The following CMIP variants were observed in gnomAD, a reference collection of about 807,000 sequenced individuals.
CMIP encodes the protein C-Maf-inducing protein.
In CMIP, 13 loss-of-function variants were observed where a neutral mutation model predicts 97.3. The observed-to-expected ratio is 0.13, with a 90% CI of 0.09 to 0.21. The LOEUF is 0.21. CMIP is among the 10% of genes least tolerant of loss of function. The pLI is 1.00. For missense variants in CMIP, 847 were observed against 1,024.9 expected (o/e 0.83, Z 2.37); for synonymous variants, 538 against 436.3 (o/e 1.23, Z -2.91).
At chr16:81,496,812 A>G (rs1210151549) in intron 1 of CMIP, among the ~76,000 whole-genome samples, 1 of 152,266 alleles carries the variant, frequency 6.6e-6, no homozygotes, top group African/African-American at 2.4e-5. Context: ...AAATGAGCAG[A>G]GTCTTACATT....
chr16:81,709,933 GC>G lies in CMIP; in HGVS notation c.*135del. On this transcript the variant is annotated 3_prime_UTR_variant, in exon 21 of 21. Transcript: ENST00000537098. Reference sequence around the variant, plus strand: ...AGATAGATGGGGAGTCTTTCTGGGGGCGGAGGGGGGAGGGGGTGGGGAGGGG... The same window carrying G: ...AGATAGATGGGGAGTCTTTCTGGGGGGGAGGGGGGAGGGGGTGGGGAGGGG... 1.5e-6 allele frequency: 1 copy of G among 649,950 alleles called. No homozygotes were observed. Among genetic ancestry groups the G allele is most frequent in the Non-Finnish European group, 2.7e-6 (1 of 369,712 alleles). 40.3% of individuals were successfully genotyped at this position (649,950 alleles called of 1,614,324 possible).
chr16:81,640,288 C>T (rs763009064), intron 3 of CMIP, among the ~76,000 whole-genome samples: 52 of 26,130 alleles, frequency 2.0e-3, no homozygotes, highest in Non-Finnish European at 5.5e-3. Flanking sequence ...GACATCAGGC[C>T]CCCCCCCCCC....
intron 3 of CMIP, among the ~76,000 whole-genome samples, chr16:81,625,028 G>A (rs998760331): frequency 3.3e-5 from 5 of 152,342 alleles, no homozygotes; most frequent in Non-Finnish European, 1.5e-5. Context: ...ATTTGCAGAT[G>A]GGGAAACCTG....
At chr16:81,507,268 G>A (rs1597486553) in intron 1 of CMIP, among the ~76,000 whole-genome samples, 2 of 152,194 alleles carry the variant, frequency 1.3e-5, no homozygotes, top group Admixed American at 1.3e-4. Flanking sequence ...AAGAAAGGAA[G>A]ATCATCTGCC....
intron 1 of CMIP, among the ~76,000 whole-genome samples, chr16:81,536,006 C>T (rs2090335900): frequency 6.6e-6 from 1 of 152,172 alleles, no homozygotes; most frequent in African/African-American, 2.4e-5. Flanking sequence ...CAAGGGACCT[C>T]TTGTCTGCTG....
intron 1 of CMIP, among the ~76,000 whole-genome samples, chr16:81,456,971 G>A (rs1001129699): frequency 6.6e-6 from 1 of 152,136 alleles, no homozygotes; most frequent in African/African-American, 2.4e-5. Context: ...AACCTGGGGT[G>A]GTCACCTCAG....
At chr16:81,540,027 C>T (rs2168798) in intron 1 of CMIP, among the ~76,000 whole-genome samples, 59,587 of 152,072 alleles carry the variant, frequency 0.39, 12,963 homozygotes, top group Non-Finnish European at 0.49. Context: ...TGGCAGTGAA[C>T]GAAGCCGAAA....
At chr16:81,623,157 T>G (rs1303970149) in intron 3 of CMIP, among the ~76,000 whole-genome samples, 1 of 152,062 alleles carries the variant, frequency 6.6e-6, no homozygotes, top group African/African-American at 2.4e-5. Flanking sequence ...TGAGCCAAGA[T>G]TGGTCCACTG....
At chr16:81,701,403 G>T (rs78508654) in intron 15 of CMIP, among the ~76,000 whole-genome samples, 1 of 152,174 alleles carries the variant, frequency 6.6e-6, no homozygotes, top group Non-Finnish European at 1.5e-5. Context: ...TCCAGACACC[G>T]CACGGTAAGC....
chr16:81,461,464 C>G (rs750243758), intron 1 of CMIP, among the ~76,000 whole-genome samples: 9 of 152,144 alleles, frequency 5.9e-5, no homozygotes, highest in African/African-American at 1.2e-4. Flanking sequence ...TCAACCCTAG[C>G]GTAATTAGTC....
chr16:81,639,856 G>A lies in CMIP; in HGVS notation c.478-12347G>A, dbSNP rs117814924. ...TAAGCCCCTTGGGTGGTTTTAATGT[G>A]TAGCCAGGGTCAAGAACCCTGCCTG... On this transcript the variant is annotated intron_variant, in intron 3 of 20. Coordinates refer to ENST00000537098, the MANE Select transcript of CMIP (RefSeq NM_198390.3). Among the ~76,000 whole-genome samples the A allele has an allele frequency of 8.1e-3, 1,235 of 152,296 alleles. 12 individuals carry two copies. Among genetic ancestry groups the A allele is most frequent in the Middle Eastern group, 0.021 (6 of 292 alleles).
At position 81,445,496 on chromosome 16, in the gene CMIP, G is replaced by A; in HGVS notation, c.255G>A (p.Glu85=). 6.4e-7 allele frequency: 1 copy of A among 1,555,100 alleles called. No homozygotes were observed. Among genetic ancestry groups the A allele is most frequent in the East Asian group, 2.4e-5 (1 of 41,154 alleles). ...ILTSKFLRRW[E]PHHLTLADNS... The stretch of plus-strand genomic sequence containing the variant: ...CCTCGAAATTCCTGAGGCGCTGGGA[G>A]CCGCACCACCTAACGCTGGCCGACA... The change falls in exon 1 of 21, where the codon GAG becomes GAA. Residue 85 remains glutamate, a synonymous_variant. Transcript: ENST00000537098.
chr16:81,557,007 A>G (rs2090777252), intron 1 of CMIP, among the ~76,000 whole-genome samples: 2 of 152,228 alleles, frequency 1.3e-5, no homozygotes. Flanking sequence ...AAACTGGTGA[A>G]GTTCACGCAA....
Position 81,584,221 on chromosome 16 carries a change from AG to A in CMIP, c.301-23345del, listed in dbSNP as rs143499583. ...GTTCAGCTTGCATTGCCATCACTGG[AG>A]TGTAAGCCCCCTACTAGAAGGAAAA... On this transcript the variant is annotated intron_variant, in intron 1 of 20. Coordinates refer to ENST00000537098, the MANE Select transcript of CMIP (RefSeq NM_198390.3). 1.8e-4 allele frequency among the ~76,000 whole-genome samples: 28 copies of A among 152,184 alleles called. No homozygotes were observed. The East Asian group carries it at 4.6e-3, about 25-fold the overall frequency.
chr16:81,457,086 C>T (rs1269050917), intron 1 of CMIP, among the ~76,000 whole-genome samples: 1 of 152,090 alleles, frequency 6.6e-6, no homozygotes, highest in Non-Finnish European at 1.5e-5. Flanking sequence ...GTGGAGCGAG[C>T]GTCCCGCCCT....
intron 3 of CMIP, among the ~76,000 whole-genome samples, chr16:81,637,173 C>G (rs1473471935): frequency 6.6e-6 from 1 of 152,154 alleles, no homozygotes; most frequent in Non-Finnish European, 1.5e-5. Context: ...TGGGTTCAAG[C>G]ATTTCTCCTG....
chr16:81,637,013 G>C (rs1390024075), intron 3 of CMIP, among the ~76,000 whole-genome samples: 1 of 152,162 alleles, frequency 6.6e-6, no homozygotes, highest in Non-Finnish European at 1.5e-5. Context: ...CTGTTGCACT[G>C]TGGGGGCCAC....
chr16:81,708,649 G>A (rs1419210042), intron 20 of CMIP, among the ~76,000 whole-genome samples: 1 of 152,200 alleles, frequency 6.6e-6, no homozygotes, highest in East Asian at 1.9e-4. Flanking sequence ...TCTGCTCAGT[G>A]CCAGGCAGGC....
chr16:81,564,353 G>C (rs1229660817), intron 1 of CMIP, among the ~76,000 whole-genome samples: 1 of 152,178 alleles, frequency 6.6e-6, no homozygotes, highest in Non-Finnish European at 1.5e-5. Context: ...GAGCTCCAGG[G>C]ACTTGATTTA....
Sources: allele counts gnomAD v4.1 joint callset (sites outside exome capture counted in the v4.1 genomes callset), GRCh38; gene constraint gnomAD v4.1.1; transcripts MANE v1.5; gene names NCBI Gene and HGNC (gene_info 2026-07-23, HGNC 2026-07-21).